The following TMEM132B variants were observed in gnomAD, a reference collection of about 807,000 sequenced individuals.
TMEM132B encodes the protein transmembrane protein 132B.
TMEM132B carries 18 observed loss-of-function variants against 90.8 expected under a neutral mutation model. That is an observed-to-expected ratio of 0.20 (90% CI 0.14 to 0.29). TMEM132B has a LOEUF of 0.29. Among genes scored for constraint, TMEM132B ranks in the 10% least tolerant of loss-of-function variants. TMEM132B has a pLI of 1.00. For synonymous variants in TMEM132B, 504 were observed against 523.3 expected, an observed-to-expected ratio of 0.96 and a Z score of 0.50; for missense variants, 1,096 against 1,326.8, an observed-to-expected ratio of 0.83 and a Z score of 2.70.
intron 1 of TMEM132B, among the ~76,000 whole-genome samples, chr12:125,240,323 C>G (rs1378184574): frequency 6.6e-6 from 1 of 152,164 alleles, no homozygotes; most frequent in Non-Finnish European, 1.5e-5. Context: ...CGTGGTAGAA[C>G]AGCCCTCACA....
Position 125,458,948 on chromosome 12 carries a change from C to G in TMEM132B, c.1106+43271C>G, listed in dbSNP as rs1353307247. Among the ~76,000 whole-genome samples the G allele has an allele frequency of 1.3e-5, 2 of 152,208 alleles. No homozygotes were observed. The highest frequency in any genetic ancestry group is 4.8e-5 in the African/African-American group (2 of 41,450). Reference sequence around the variant, plus strand: ...TGAATGTTATCTGCCCTGTCCAAGTCCATCAGGGAGAGACAAAATAGGTGT... The same window carrying G: ...TGAATGTTATCTGCCCTGTCCAAGTGCATCAGGGAGAGACAAAATAGGTGT... On this transcript the variant is annotated intron_variant, in intron 3 of 8. Transcript: ENST00000682704. The surrounding 1 kb of genome is among the most constrained non-coding windows in gnomAD (Gnocchi z 4.9).
intron 3 of TMEM132B, among the ~76,000 whole-genome samples, chr12:125,453,384 T>C (rs562573835): frequency 6.6e-6 from 1 of 152,282 alleles, no homozygotes; most frequent in South Asian, 2.1e-4. Context: ...TCGCAGTGTG[T>C]CTGTCCATGC....
rs1235218002 is a variant in TMEM132B, at chr12:125,186,489, C to CGCGGCG, written c.-297_-292dup. On this transcript the variant is annotated 5_prime_UTR_variant, in exon 1 of 9. Transcript: ENST00000682704. The surrounding 1 kb of genome is among the most constrained non-coding windows in gnomAD (Gnocchi z 6.3). ...GGGACGGGCGCTGGGGCGCAGGAGCCGCGGCGGCGGCGGCGGCGGGGGCCG... is the reference window on the plus strand; with the variant it reads ...GGGACGGGCGCTGGGGCGCAGGAGCCGCGGCGGCGGCGGCGGCGGCGGCGGGGGCCG... Among the ~76,000 whole-genome samples the CGCGGCG allele has an allele frequency of 2.7e-5, 4 of 145,912 alleles. No homozygotes were observed. Among genetic ancestry groups the CGCGGCG allele is most frequent in the East Asian group, 3.9e-4 (2 of 5,072 alleles).
At chr12:125,411,902 T>G (rs187833612) in intron 2 of TMEM132B, among the ~76,000 whole-genome samples, 1 of 152,338 alleles carries the variant, frequency 6.6e-6, no homozygotes, top group East Asian at 1.9e-4. Context: ...TTTCAAAATG[T>G]TGACATTTGT....
intron 5 of TMEM132B, among the ~76,000 whole-genome samples, chr12:125,620,972 A>G (rs1397208454): frequency 6.6e-6 from 1 of 152,232 alleles, no homozygotes; most frequent in Non-Finnish European, 1.5e-5. Flanking sequence ...ACCATATCAC[A>G]CAGACAACTG....
At chr12:125,193,580 C>A (rs1872851135) in intron 1 of TMEM132B, among the ~76,000 whole-genome samples, 2 of 152,152 alleles carry the variant, frequency 1.3e-5, no homozygotes, top group African/African-American at 4.8e-5. Flanking sequence ...GAGGAGGTGG[C>A]AGTTTTCTAA....
At chr12:125,645,323 T>C (rs1166132828) in intron 6 of TMEM132B, among the ~76,000 whole-genome samples, 1 of 150,440 alleles carries the variant, frequency 6.6e-6, no homozygotes, top group Non-Finnish European at 1.5e-5. Context: ...CAGATGTAAC[T>C]ACAATCCCAA....
intron 3 of TMEM132B, among the ~76,000 whole-genome samples, chr12:125,470,366 T>G (rs1881679990): frequency 6.6e-6 from 1 of 152,242 alleles, no homozygotes. Flanking sequence ...GTCCTGAGCC[T>G]GGCTAGGGGA....
At chr12:125,229,401 G>A (rs1247539451) in intron 1 of TMEM132B, among the ~76,000 whole-genome samples, 1 of 152,156 alleles carries the variant, frequency 6.6e-6, no homozygotes, top group African/African-American at 2.4e-5. Context: ...GGTCCTTACC[G>A]TCACTAGGTT....
chr12:125,346,489 C>T (rs769360070), intron 1 of TMEM132B, among the ~76,000 whole-genome samples: 13 of 152,350 alleles, frequency 8.5e-5, no homozygotes, highest in Non-Finnish European at 1.6e-4. Context: ...TTCCTGCTGA[C>T]GGTGTTCCTG....
chr12:125,311,077 A>C (rs1195477076), intron 1 of TMEM132B, among the ~76,000 whole-genome samples: 2 of 152,198 alleles, frequency 1.3e-5, no homozygotes, highest in Non-Finnish European at 2.9e-5. Context: ...TACACTGTTC[A>C]CATCTTCTTA....
chr12:125,206,232 T>TTTTG (rs892323225), intron 1 of TMEM132B, among the ~76,000 whole-genome samples: 23 of 152,116 alleles, frequency 1.5e-4, no homozygotes, highest in Non-Finnish European at 3.1e-4. Flanking sequence ...GCCTATGATT[T>TTTTG]TTTGTTTGTT....
chr12:125,223,646 AAC>A (rs1388344757), intron 1 of TMEM132B, among the ~76,000 whole-genome samples: 2 of 152,200 alleles, frequency 1.3e-5, no homozygotes, highest in African/African-American at 4.8e-5. Context: ...CACACCGTTT[AAC>A]AGTTACTCTC....
intron 3 of TMEM132B, among the ~76,000 whole-genome samples, chr12:125,507,387 T>C (rs1303297223): frequency 6.6e-6 from 1 of 151,966 alleles, no homozygotes; most frequent in African/African-American, 2.4e-5. Context: ...CAAAGAAAGG[T>C]AATAAATAAA....
chr12:125,479,534 A>T (rs919044850), intron 3 of TMEM132B, among the ~76,000 whole-genome samples: 2 of 152,226 alleles, frequency 1.3e-5, no homozygotes, highest in Non-Finnish European at 2.9e-5. Flanking sequence ...CATAATGGTA[A>T]AGGGAACAAT....
intron 3 of TMEM132B, among the ~76,000 whole-genome samples, chr12:125,467,632 A>G (rs1014221732): frequency 3.9e-5 from 6 of 152,230 alleles, no homozygotes; most frequent in African/African-American, 1.4e-4. Flanking sequence ...ACATAGTTCA[A>G]CATTTTAAAG....
At chr12:125,544,556 C>T (rs1200188918) in intron 4 of TMEM132B, among the ~76,000 whole-genome samples, 2 of 152,106 alleles carry the variant, frequency 1.3e-5, no homozygotes, top group East Asian at 3.8e-4. Context: ...AATGAAGGTG[C>T]TGATATCAGT....
At chr12:125,456,629 T>G (rs774522270) in intron 3 of TMEM132B, among the ~76,000 whole-genome samples, 3 of 152,156 alleles carry the variant, frequency 2.0e-5, no homozygotes, top group Non-Finnish European at 4.4e-5. Context: ...TCTTACAGGT[T>G]CCTTCTGAGA....
intron 3 of TMEM132B, among the ~76,000 whole-genome samples, chr12:125,457,852 G>T (rs1045439593): frequency 2.0e-5 from 3 of 152,216 alleles, no homozygotes; most frequent in Admixed American, 6.5e-5. Flanking sequence ...AAGGCCACAG[G>T]TGTACATGTC....
Sources: gnomAD v4.1 joint callset for allele counts (sites outside exome capture counted in the v4.1 genomes callset) on GRCh38, gnomAD v4.1.1 for gene constraint, Gnocchi (gnomAD v3.1) non-coding constraint, MANE v1.5 for transcripts, NCBI Gene and HGNC (gene_info 2026-07-23, HGNC 2026-07-21) for gene names.